ONECUT2: variants seen among roughly 807,000 people sequenced by gnomAD.
ONECUT2 encodes the protein one cut domain family member 2.
ONECUT2 carries 10 observed loss-of-function variants against 27.9 expected under a neutral mutation model. The observed-to-expected ratio is 0.36, with a 90% CI of 0.22 to 0.61. The LOEUF is 0.61. ONECUT2 is among the 20% of genes least tolerant of loss of function. The pLI, the probability that ONECUT2 is intolerant of heterozygous loss-of-function variation, is 0.73. For synonymous variants in ONECUT2, 334 were observed against 315.1 expected (o/e 1.06, Z -0.64); for missense variants, 686 against 721.0 (o/e 0.95, Z 0.56).
intron 1 of ONECUT2, among the ~76,000 whole-genome samples, chr18:57,451,949 G>A (rs963473845): frequency 1.5e-4 from 23 of 152,214 alleles, no homozygotes; most frequent in African/African-American, 5.1e-4. Context: ...AATGGGGGGG[G>A]CGGTGTTGGT....
intron 1 of ONECUT2, among the ~76,000 whole-genome samples, chr18:57,470,939 T>C (rs1019653159): frequency 2.0e-5 from 3 of 152,130 alleles, no homozygotes; most frequent in Non-Finnish European, 4.4e-5. Context: ...CCAAAGACTT[T>C]TGTTACTAGA....
chr18:57,466,166 T>C (rs1568123304), intron 1 of ONECUT2, among the ~76,000 whole-genome samples: 2 of 152,090 alleles, frequency 1.3e-5, no homozygotes, highest in South Asian at 4.1e-4. Flanking sequence ...TGGAAGGGAG[T>C]GGGGAGTACT....
In ONECUT2 at chr18:57,483,249, G is replaced by A. The variant is rs1306047112; in HGVS notation, c.*6526G>A. The A allele has an allele frequency of 5.2e-5, 8 of 152,566 alleles. No homozygotes were observed. Among genetic ancestry groups the A allele is most frequent in the Non-Finnish European group, 1.0e-4 (7 of 68,012 alleles). The allele number at this position is 152,566 out of a possible 1,614,324, so 9.5% of individuals were successfully genotyped here. On this transcript the variant is annotated 3_prime_UTR_variant, in exon 2 of 2. Transcript: ENST00000491143. ...GGTACTGCGGTCTTGGGGAGACTGC[G>A]TTAGCTAGTGGGGAGTGGTGATTTT...
In ONECUT2 at chr18:57,435,484, C is replaced by T. The variant is rs2050132378; in HGVS notation, c.-233C>T. 6.8e-6 allele frequency among the ~76,000 whole-genome samples: 1 copy of T among 147,754 alleles called. No individual in the cohort carries two copies. The highest frequency in any genetic ancestry group is 6.7e-5 in the Admixed American group (1 of 14,968). On this transcript the variant is annotated 5_prime_UTR_variant, in exon 1 of 2. Transcript: ENST00000491143. Reference sequence around the variant, plus strand: ...CCCGAGCGGCGGGGCCCGGTGATCCCTCCCTCCCTCCCCGTCCCCTCCCCT... The same window carrying T: ...CCCGAGCGGCGGGGCCCGGTGATCCTTCCCTCCCTCCCCGTCCCCTCCCCT...
At position 57,476,654 on chromosome 18, in the gene ONECUT2, G is replaced by A. The variant is rs765098341; in HGVS notation, c.1446G>A (p.Leu482=). The change falls in exon 2 of 2, where the codon CTG becomes CTA. Residue 482 remains leucine (L), a synonymous_variant. Transcript: ENST00000491143. ...TCATGAACGCCCGGCGCCGCAGCCT[G>A]GAGAAGTGGCAAGACGATCTGAGCA... ...NFFMNARRRS[L]EKWQDDLSTG... The A allele has an allele frequency of 3.7e-5, 59 of 1,614,070 alleles. No individual in the cohort carries two copies. The highest frequency in any genetic ancestry group is 1.8e-5 in the Non-Finnish European group (21 of 1,180,038).
intron 1 of ONECUT2, among the ~76,000 whole-genome samples, chr18:57,452,014 T>C (rs1190946953): frequency 1.3e-5 from 2 of 152,186 alleles, no homozygotes; most frequent in Non-Finnish European, 2.9e-5. Flanking sequence ...ATGCCATGTA[T>C]TTTAGCTCAT....
chr18:57,476,731 A>G lies in ONECUT2; in HGVS notation c.*8A>G. The G allele has an allele frequency of 6.2e-7, 1 of 1,613,048 alleles. No individual in the cohort carries two copies. The highest frequency in any genetic ancestry group is 8.5e-7 in the Non-Finnish European group (1 of 1,179,476). On this transcript the variant is annotated 3_prime_UTR_variant, in exon 2 of 2. Coordinates refer to ENST00000491143, the MANE Select transcript of ONECUT2 (RefSeq NM_004852.3). ...ACGTGTACCAAAGCATGATGGAAGG[A>G]CTCTCACTTGGGCACAAGTCACCTC... is the stretch of plus-strand genomic sequence containing the variant.
At chr18:57,468,485 G>A (rs2122141986) in intron 1 of ONECUT2, among the ~76,000 whole-genome samples, 1 of 152,334 alleles carries the variant, frequency 6.6e-6, no homozygotes, top group Middle Eastern at 3.4e-3. Flanking sequence ...AAACCTGCAA[G>A]GCATCTAACT....
At chr18:57,461,659 C>T (rs746610856) in intron 1 of ONECUT2, among the ~76,000 whole-genome samples, 4 of 152,172 alleles carry the variant, frequency 2.6e-5, no homozygotes, top group Non-Finnish European at 4.4e-5. Context: ...TGTGAAACTC[C>T]AGAGAAAATA....
At chr18:57,446,505 C>T (rs2050201169) in intron 1 of ONECUT2, among the ~76,000 whole-genome samples, 3 of 152,122 alleles carry the variant, frequency 2.0e-5, no homozygotes, top group African/African-American at 7.2e-5. Context: ...ACAGTCAGGG[C>T]TTCCACCGCC....
At chr18:57,464,675 A>C (rs2050310950) in intron 1 of ONECUT2, among the ~76,000 whole-genome samples, 1 of 152,130 alleles carries the variant, frequency 6.6e-6, no homozygotes, top group Non-Finnish European at 1.5e-5. Flanking sequence ...AAACATTGAG[A>C]TTTGGTTGTG....
chr18:57,449,283 G>C (rs2050216920), intron 1 of ONECUT2, among the ~76,000 whole-genome samples: 1 of 152,162 alleles, frequency 6.6e-6, no homozygotes, highest in African/African-American at 2.4e-5. Context: ...AGAAGAGGAG[G>C]TTAGATACAG....
intron 1 of ONECUT2, among the ~76,000 whole-genome samples, chr18:57,456,912 T>C (rs2050262450): frequency 6.6e-6 from 1 of 152,208 alleles, no homozygotes; most frequent in African/African-American, 2.4e-5. Context: ...AGTTCTGGAC[T>C]GTAGTGCCCC....
intron 1 of ONECUT2, among the ~76,000 whole-genome samples, chr18:57,449,764 C>T (rs1205153335): frequency 6.6e-6 from 1 of 152,244 alleles, no homozygotes; most frequent in East Asian, 1.9e-4. Context: ...TTCCTTATCT[C>T]ATCAGTCCTT....
rs181760684 is a variant in ONECUT2, at chr18:57,481,670, A to C, written c.*4947A>C. 17 of 152,316 alleles carry C rather than the reference A, an allele frequency of 1.1e-4. No homozygotes were observed. In the East Asian group the frequency reaches 3.1e-3, roughly 28 times the overall value. The allele number at this position is 152,316 out of a possible 1,614,324, so 9.4% of individuals were successfully genotyped here. On this transcript the variant is annotated 3_prime_UTR_variant, in exon 2 of 2. Coordinates refer to ENST00000491143, the MANE Select transcript of ONECUT2 (RefSeq NM_004852.3). ...GTTTGATTATCATTACCAAAGTGTC[A>C]TGACAGTATGCCTTTGTAGTGAACT...
chr18:57,442,131 C>T (rs1027480536), intron 1 of ONECUT2, among the ~76,000 whole-genome samples: 1 of 152,114 alleles, frequency 6.6e-6, no homozygotes, highest in Non-Finnish European at 1.5e-5. Context: ...CAACCACTCC[C>T]CTGGCCAAAT....
intron 1 of ONECUT2, among the ~76,000 whole-genome samples, chr18:57,475,210 C>T (rs1292270433): frequency 1.3e-5 from 2 of 151,976 alleles, no homozygotes; most frequent in Non-Finnish European, 2.9e-5. Context: ...GTGCCCACCA[C>T]CATGCCCAGC....
chr18:57,437,081 G>A (rs552495337), intron 1 of ONECUT2, 137 bp downstream of exon 1: 3 of 1,408,864 alleles, frequency 2.1e-6, no homozygotes, highest in African/African-American at 2.9e-5. Flanking sequence ...CTTTCTTCTC[G>A]TTTTTATTTC....
At chr18:57,475,744 C>T (rs2050378638) in intron 1 of ONECUT2, among the ~76,000 whole-genome samples, 1 of 152,162 alleles carries the variant, frequency 6.6e-6, no homozygotes, top group Admixed American at 6.5e-5. Flanking sequence ...GCTTCTTCCC[C>T]CACCCTCATC....
Sources: allele counts gnomAD v4.1 joint callset (sites outside exome capture counted in the v4.1 genomes callset), GRCh38; gene constraint gnomAD v4.1.1; transcripts MANE v1.5; gene names NCBI Gene and HGNC (gene_info 2026-07-23, HGNC 2026-07-21).